Variants in ELK3 observed in about 807,000 individuals in gnomAD.
ELK3 encodes the protein ETS transcription factor ELK3, also known as ETS domain-containing protein Elk-3.
In ELK3, 10 loss-of-function variants were observed where a neutral mutation model predicts 28.9. The ratio of observed to expected loss-of-function variants is 0.35; its 90% CI spans 0.21 to 0.59. ELK3 has a LOEUF of 0.59. Ranked by LOEUF, ELK3 falls within the 20% of genes least tolerant of loss-of-function variation. The pLI, the probability that ELK3 is intolerant of heterozygous loss-of-function variation, is 0.82. For missense variants in ELK3, 463 were observed against 517.3 expected, an observed-to-expected ratio of 0.90 and a Z score of 1.02; for synonymous variants, 272 against 243.5, an observed-to-expected ratio of 1.12 and a Z score of -1.09.
chr12:96,252,964 A>G (rs571538162), intron 3 of ELK3, among the ~76,000 whole-genome samples: 5 of 152,266 alleles, frequency 3.3e-5, no homozygotes, highest in Middle Eastern at 3.2e-3. Context: ...CTTTCATGAA[A>G]GGAATAATCA....
intron 1 of ELK3, among the ~76,000 whole-genome samples, chr12:96,217,761 C>A (rs951635640): frequency 6.6e-6 from 1 of 151,800 alleles, no homozygotes; most frequent in Non-Finnish European, 1.5e-5. Context: ...CATGGTGAAA[C>A]CCTGTCTCCA....
chr12:96,262,049 C>T (rs1169254667), intron 4 of ELK3, among the ~76,000 whole-genome samples: 1 of 144,712 alleles, frequency 6.9e-6, no homozygotes, highest in Non-Finnish European at 1.5e-5. Flanking sequence ...GACAGAGTCT[C>T]ACTCTGTTGC....
chr12:96,253,817 C>CAT (rs1420717232), intron 3 of ELK3, among the ~76,000 whole-genome samples: 5 of 152,168 alleles, frequency 3.3e-5, no homozygotes, highest in African/African-American at 1.2e-4. Flanking sequence ...TGTATTCATT[C>CAT]ATTTGGGAGA....
At chr12:96,259,962 T>G (rs373415447) in intron 4 of ELK3, 109 bp downstream of exon 4, 1 of 1,408,736 alleles carries the variant, frequency 7.1e-7, no homozygotes. Flanking sequence ...GTTGAAATAT[T>G]AAATGTCCAG....
At chr12:96,250,555 C>T (rs569690159) in intron 3 of ELK3, among the ~76,000 whole-genome samples, 3 of 152,310 alleles carry the variant, frequency 2.0e-5, no homozygotes, top group Admixed American at 2.0e-4. Context: ...CAGGTGACAG[C>T]CAGAAACAGC....
intron 2 of ELK3, among the ~76,000 whole-genome samples, chr12:96,226,516 C>CCACATG (rs113727989): frequency 1.3e-5 from 2 of 150,138 alleles, no homozygotes; most frequent in African/African-American, 4.9e-5. Flanking sequence ...ACACCCATGC[C>CCACATG]CACACAGATG....
intron 2 of ELK3, among the ~76,000 whole-genome samples, chr12:96,245,645 C>G (rs892399874): frequency 3.3e-5 from 5 of 152,080 alleles, no homozygotes; most frequent in African/African-American, 1.2e-4. Flanking sequence ...TAGGATGGTG[C>G]TGGGTTTTTG....
At chr12:96,203,039 C>T (rs1951516750) in intron 1 of ELK3, among the ~76,000 whole-genome samples, 1 of 152,102 alleles carries the variant, frequency 6.6e-6, no homozygotes, top group Non-Finnish European at 1.5e-5. Flanking sequence ...TGCGCCACCC[C>T]ACCTGGCTAA....
At chr12:96,213,555 A>G (rs973179862) in intron 1 of ELK3, among the ~76,000 whole-genome samples, 1 of 152,174 alleles carries the variant, frequency 6.6e-6, no homozygotes, top group Admixed American at 6.5e-5. Context: ...TAACGAAGCC[A>G]TCATTTACTA....
At chr12:96,259,112 T>G (rs887524798) in intron 3 of ELK3, among the ~76,000 whole-genome samples, 17 of 152,214 alleles carry the variant, frequency 1.1e-4, no homozygotes, top group African/African-American at 3.9e-4. Flanking sequence ...TACTAATCCT[T>G]GTTTAATCTG....
intron 1 of ELK3, chr12:96,213,660 A>C (rs1020828192): frequency 6.6e-6 from 1 of 152,218 alleles, no homozygotes; most frequent in Admixed American, 6.5e-5. Flanking sequence ...GTGTTCCTAC[A>C]CACAGTAAAT....
intron 2 of ELK3, among the ~76,000 whole-genome samples, chr12:96,230,672 CAT>C (rs1490994159): frequency 6.6e-6 from 1 of 152,148 alleles, no homozygotes; most frequent in African/African-American, 2.4e-5. Flanking sequence ...TCGAAGTGCA[CAT>C]GATTTTAATA....
rs139397021 is a variant in ELK3 at position 96,239,501 on chromosome 12, A to AT, written c.208-7438dup. 9.8e-5 allele frequency among the ~76,000 whole-genome samples: 15 copies of AT among 152,308 alleles called. No homozygotes were observed. The East Asian group carries it at 2.5e-3, about 25-fold the overall frequency. The stretch of plus-strand genomic sequence containing the variant: ...TTGGCTTCTCCATCTCTGCAATGGG[A>AT]TAACAGTGCCCATCCTGCAAGGCAG... On this transcript the variant is annotated intron_variant, in intron 2 of 4. Coordinates refer to ENST00000228741, the MANE Select transcript of ELK3 (RefSeq NM_005230.4).
At chr12:96,220,322 G>A (rs1951652870) in intron 1 of ELK3, among the ~76,000 whole-genome samples, 1 of 151,150 alleles carries the variant, frequency 6.6e-6, no homozygotes, top group East Asian at 1.9e-4. Context: ...CCCATGTGTG[G>A]CCTCTGAGTA....
intron 1 of ELK3, among the ~76,000 whole-genome samples, chr12:96,220,463 C>T (rs1418843287): frequency 7.1e-6 from 1 of 141,360 alleles, no homozygotes; most frequent in East Asian, 2.2e-4. Flanking sequence ...TCTTGGCTTA[C>T]TGCAACCTCT....
At chr12:96,225,808 A>C (rs1007766393) in intron 2 of ELK3, among the ~76,000 whole-genome samples, 1 of 152,168 alleles carries the variant, frequency 6.6e-6, no homozygotes, top group African/African-American at 2.4e-5. Flanking sequence ...GGCTGTCCAA[A>C]GGGTATTACA....
At chr12:96,263,542 A>G (rs572119866) in intron 4 of ELK3, among the ~76,000 whole-genome samples, 4 of 152,332 alleles carry the variant, frequency 2.6e-5, no homozygotes, top group South Asian at 2.1e-4. Flanking sequence ...ACCCCAGCAA[A>G]TATTTGCAAT....
rs767619037 is a variant in ELK3, at chr12:96,259,829, G to C, written c.1101G>C (p.Leu367=). The stretch of plus-strand genomic sequence containing the variant: ...TTGCTCCGCTGAGTCCTGCCAGGCT[G>C]CAAGGGCCAAGCACGCTGTTCCAGG... ...SPVAPLSPAR[L]QGPSTLFQFP... is the part of the protein sequence containing the mutation. Residue 367 remains leucine (L), a synonymous_variant, in exon 4 of 5, where the codon CTG becomes CTC. Transcript: ENST00000228741. 1.2e-5 allele frequency: 19 copies of C among 1,605,556 alleles called. No individual in the cohort carries two copies. In the South Asian group the frequency reaches 1.2e-4, roughly 10 times the overall value.
intron 1 of ELK3, among the ~76,000 whole-genome samples, chr12:96,215,484 T>A (rs966185760): frequency 6.6e-6 from 1 of 152,214 alleles, no homozygotes; most frequent in Non-Finnish European, 1.5e-5. Context: ...ACCTGACAGC[T>A]CTCACGTAGG....
Sources: gnomAD v4.1 joint callset for allele counts (sites outside exome capture counted in the v4.1 genomes callset) on GRCh38, gnomAD v4.1.1 for gene constraint, MANE v1.5 for transcripts, NCBI Gene and HGNC (gene_info 2026-07-23, HGNC 2026-07-21) for gene names.